Variants in PPM1E observed in about 807,000 individuals in gnomAD.
The protein encoded by PPM1E is protein phosphatase 1E.
A neutral mutation model predicts 65.9 loss-of-function variants in PPM1E; 20 were observed. The ratio of observed to expected loss-of-function variants is 0.30; its 90% CI spans 0.21 to 0.44. PPM1E has a LOEUF of 0.44. Among genes scored for constraint, PPM1E ranks in the 20% least tolerant of loss-of-function variants. The pLI is 1.00. For missense variants in PPM1E, 713 were observed against 953.1 expected (o/e 0.75, Z 3.32); for synonymous variants, 352 against 374.9 (o/e 0.94, Z 0.70).
In PPM1E at chr17:58,956,302, G is replaced by A. The variant is rs149921684; in HGVS notation, c.583+535G>A. Among the ~76,000 whole-genome samples the A allele has an allele frequency of 4.7e-4, 72 of 152,056 alleles. 1 individual carries two copies. In the East Asian group the frequency reaches 0.013, roughly 27 times the overall value. ...GAATACAAAAATTAGCCGGTGTAGT[G>A]GTGCACACCTGTGGTCCTAGCTATT... On this transcript the variant is annotated intron_variant, in intron 2 of 6. Transcript: ENST00000308249.
Position 58,865,637 on chromosome 17 carries a change from CTGCAGTG to C in PPM1E, c.465-90011_465-90005del, listed in dbSNP as rs2050994340. On this transcript the variant is annotated intron_variant, in intron 1 of 6. Transcript: ENST00000308249. ...ATTGCTTAAGCCTGGAAGGTTGAGG[CTGCAGTG>C]AGCCATGATTGCAGCCACTGCTCTC... 1.3e-5 allele frequency among the ~76,000 whole-genome samples: 2 copies of C among 152,126 alleles called. 1 individual carries two copies. The highest frequency in any genetic ancestry group is 2.9e-5 in the Non-Finnish European group (2 of 68,008).
chr17:58,975,217 A>G (rs1415691640), intron 6 of PPM1E, among the ~76,000 whole-genome samples: 2 of 152,196 alleles, frequency 1.3e-5, no homozygotes, highest in Admixed American at 1.3e-4. Context: ...CCAAACACCT[A>G]TTTCTCCTGA....
At chr17:58,877,856 C>A (rs976084288) in intron 1 of PPM1E, among the ~76,000 whole-genome samples, 2 of 151,820 alleles carry the variant, frequency 1.3e-5, no homozygotes, top group African/African-American at 4.8e-5. Flanking sequence ...ACAAATGGAA[C>A]AATGAGAGAA....
At chr17:58,943,413 G>A (rs143605616) in intron 1 of PPM1E, among the ~76,000 whole-genome samples, 132 of 152,174 alleles carry the variant, frequency 8.7e-4, no homozygotes, top group African/African-American at 2.8e-3. Flanking sequence ...TTCTACCTAC[G>A]CATGTGCCAA....
chr17:58,892,488 G>A (rs1268866262), intron 1 of PPM1E, among the ~76,000 whole-genome samples: 2 of 152,042 alleles, frequency 1.3e-5, no homozygotes, highest in African/African-American at 4.8e-5. Context: ...CAACAGGATT[G>A]CCTGAGCCCA....
At chr17:58,897,505 A>AT (rs2051436972) in intron 1 of PPM1E, among the ~76,000 whole-genome samples, 1 of 152,338 alleles carries the variant, frequency 6.6e-6, no homozygotes, top group African/African-American at 2.4e-5. Context: ...GTACAAGGAA[A>AT]TTAATGTTTT....
intron 1 of PPM1E, among the ~76,000 whole-genome samples, chr17:58,872,543 A>G (rs1211292828): frequency 6.6e-6 from 1 of 152,222 alleles, no homozygotes; most frequent in Non-Finnish European, 1.5e-5. Flanking sequence ...AATGAGATTC[A>G]GAAAATATGA....
At chr17:58,817,841 T>G (rs988608636) in intron 1 of PPM1E, among the ~76,000 whole-genome samples, 1 of 151,906 alleles carries the variant, frequency 6.6e-6, no homozygotes, top group Non-Finnish European at 1.5e-5. Context: ...AAGCTCCGCC[T>G]CCTGAGTTCA....
At chr17:58,881,641 A>C (rs2051195556) in intron 1 of PPM1E, among the ~76,000 whole-genome samples, 1 of 152,032 alleles carries the variant, frequency 6.6e-6, no homozygotes, top group Non-Finnish European at 1.5e-5. Context: ...CAGCCTGGTG[A>C]CAGAGTGAGA....
chr17:58,982,852 T>C lies in PPM1E; in HGVS notation c.*1821T>C. ...TTGCCCCACACATGGTCCTCACTCA[T>C]ATCTGTCACCTTCTGAAGCCTAGAT... On this transcript the variant is annotated 3_prime_UTR_variant, in exon 7 of 7. Transcript: ENST00000308249. The C allele has an allele frequency of 9.9e-6, 15 of 1,509,666 alleles. No individual in the cohort carries two copies. Among genetic ancestry groups the C allele is most frequent in the Non-Finnish European group, 1.4e-5 (15 of 1,105,400 alleles). 93.5% of individuals were successfully genotyped at this position (1,509,666 alleles called of 1,614,324 possible).
chr17:58,972,756 C>T, intron 5 of PPM1E, 76 bp from the exon 6 acceptor site: 2 of 1,277,732 alleles, frequency 1.6e-6, no homozygotes, highest in Non-Finnish European at 2.3e-6. Context: ...AGTATTATAT[C>T]TGTTGTTTAC....
At chr17:58,805,637 A>G (rs976691234) in intron 1 of PPM1E, among the ~76,000 whole-genome samples, 2 of 152,100 alleles carry the variant, frequency 1.3e-5, no homozygotes, top group Non-Finnish European at 2.9e-5. Flanking sequence ...GCTTCTATAT[A>G]CTACCATTTT....
intron 3 of PPM1E, 48 bp from the exon 4 acceptor site, chr17:58,969,491 A>G: frequency 6.3e-7 from 1 of 1,578,466 alleles, no homozygotes; most frequent in Non-Finnish European, 8.7e-7. Context: ...GTTCATTTGA[A>G]TCATGCTATA....
intron 1 of PPM1E, among the ~76,000 whole-genome samples, chr17:58,926,126 A>G (rs1446399337): frequency 1.3e-5 from 2 of 152,152 alleles, no homozygotes; most frequent in East Asian, 3.9e-4. Flanking sequence ...GGATCACTTG[A>G]GGTCAAGTGT....
intron 1 of PPM1E, among the ~76,000 whole-genome samples, chr17:58,776,937 TAAG>T (rs1259692338): frequency 1.3e-5 from 2 of 152,114 alleles, no homozygotes; most frequent in African/African-American, 4.8e-5. Context: ...GAATCTTTAA[TAAG>T]AAGATTATAG....
intron 1 of PPM1E, chr17:58,785,736 A>G (rs2050094687): frequency 6.6e-6 from 1 of 151,938 alleles, no homozygotes; most frequent in African/African-American, 2.4e-5. Flanking sequence ...ACTGAACTAC[A>G]GATAGTACCA....
chr17:58,918,805 CAAAAAAAAAAAAAA>C (rs71143301), intron 1 of PPM1E, among the ~76,000 whole-genome samples: 1 of 75,818 alleles, frequency 1.3e-5, no homozygotes, highest in Non-Finnish European at 2.2e-5. Flanking sequence ...GACTCCGTCT[CAAAAAAAAAAAAAA>C]AAAAAAAAAA....
At chr17:58,961,123 C>G (rs1161043271) in intron 2 of PPM1E, among the ~76,000 whole-genome samples, 1 of 152,040 alleles carries the variant, frequency 6.6e-6, no homozygotes, top group African/African-American at 2.4e-5. Flanking sequence ...AAAACTAGAC[C>G]TCCCGATATT....
At chr17:58,766,820 ATTAG>A (rs2049884901) in intron 1 of PPM1E, among the ~76,000 whole-genome samples, 2 of 152,310 alleles carry the variant, frequency 1.3e-5, no homozygotes, top group Admixed American at 1.3e-4. Context: ...CTGAATATTT[ATTAG>A]TTCAAAGTGG....
Sources: gnomAD v4.1 joint callset for allele counts (sites outside exome capture counted in the v4.1 genomes callset) on GRCh38, gnomAD v4.1.1 for gene constraint, MANE v1.5 for transcripts, NCBI Gene and HGNC (gene_info 2026-07-23, HGNC 2026-07-21) for gene names.